DMD: variants seen among roughly 807,000 people sequenced by gnomAD.
The protein encoded by DMD is dystrophin.
A neutral mutation model predicts 330.1 loss-of-function variants in DMD; 63 were observed. The ratio of observed to expected loss-of-function variants is 0.19; its 90% CI spans 0.16 to 0.24. The LOEUF (loss-of-function observed/expected upper bound fraction) is 0.24. Among genes scored for constraint, DMD ranks in the 10% least tolerant of loss-of-function variants. The probability of loss-of-function intolerance (pLI) is 1.00; values close to 1 mark genes in which losing one functional copy is unlikely to be tolerated. For synonymous variants in DMD, 1,223 were observed against 959.8 expected, an observed-to-expected ratio of 1.27 and a Z score of -5.07; for missense variants, 3,344 against 2,684.1, an observed-to-expected ratio of 1.25 and a Z score of -5.43.
At chrX:31,240,993 G>A (rs907022005) in intron 63 of DMD, among the ~76,000 whole-genome samples, 2 of 110,753 alleles carry the variant, frequency 1.8e-5, no homozygotes, top group African/African-American at 6.6e-5. Context: ...TATTCCTAGG[G>A]CTGTTGCAAA....
intron 47 of DMD, among the ~76,000 whole-genome samples, chrX:31,901,465 T>C (rs2149813973): frequency 8.9e-6 from 1 of 111,842 alleles, no homozygotes; most frequent in African/African-American, 3.2e-5. Flanking sequence ...GCTTCTGCTA[T>C]AGTTTATTTG....
At chrX:31,374,328 A>G (rs1377203679) in intron 60 of DMD, among the ~76,000 whole-genome samples, 1 of 103,875 alleles carries the variant, frequency 9.6e-6, no homozygotes, top group African/African-American at 3.6e-5. Flanking sequence ...CTGGGTATAT[A>G]CCCAAAGGAC....
At chrX:32,729,050 C>T (rs983886400) in intron 7 of DMD, among the ~76,000 whole-genome samples, 9 of 112,054 alleles carry the variant, frequency 8.0e-5, no homozygotes, top group South Asian at 3.7e-4. Context: ...GTACAGCAAA[C>T]GGGCAACACG....
At chrX:31,134,586 C>G (rs1300954887) in intron 76 of DMD, among the ~76,000 whole-genome samples, 1 of 110,839 alleles carries the variant, frequency 9.0e-6, no homozygotes, top group Non-Finnish European at 1.9e-5. Context: ...ACACGTCCAG[C>G]TAATTTTTGT....
chrX:31,197,298 A>C (rs1462020553), intron 67 of DMD, among the ~76,000 whole-genome samples: 2 of 111,963 alleles, frequency 1.8e-5, no homozygotes, highest in Non-Finnish European at 3.8e-5. Context: ...ATATTCTGGA[A>C]TGCTTTCTCA....
At chrX:32,728,291 G>T (rs753335694) in intron 7 of DMD, among the ~76,000 whole-genome samples, 4 of 111,866 alleles carry the variant, frequency 3.6e-5, no homozygotes, top group Non-Finnish European at 7.5e-5. Context: ...AGTATTACAC[G>T]CATAAGTAAA....
chrX:32,825,199 C>T lies in DMD; in HGVS notation c.265-1812G>A, dbSNP rs528970994. Among the ~76,000 whole-genome samples the T allele has an allele frequency of 3.0e-4, 34 of 111,691 alleles. 1 individual carries two copies. The highest frequency in any genetic ancestry group is 8.8e-4 in the African/African-American group (27 of 30,812). On this transcript the variant is annotated intron_variant, in intron 4 of 78. Coordinates refer to ENST00000357033, the MANE Select transcript of DMD (RefSeq NM_004006.3). The stretch of plus-strand genomic sequence containing the variant: ...TTAGGAAACATACTCACTCATACTG[C>T]GGGAAGCACTGCTGGTAGATACGTT...
At chrX:32,512,596 G>A (rs976885802) in intron 18 of DMD, among the ~76,000 whole-genome samples, 35 of 112,455 alleles carry the variant, frequency 3.1e-4, no homozygotes, top group African/African-American at 1.1e-3. Flanking sequence ...CAATGGAATT[G>A]AAATGAAAAT....
chrX:31,863,044 A>C (rs2093734839), intron 48 of DMD, among the ~76,000 whole-genome samples: 2 of 112,937 alleles, frequency 1.8e-5, no homozygotes, highest in South Asian at 7.2e-4. Flanking sequence ...CCAGGCGCTC[A>C]TTAAAACAGC....
intron 55 of DMD, among the ~76,000 whole-genome samples, chrX:31,532,182 G>T (rs1475578714): frequency 3.0e-5 from 3 of 100,026 alleles, no homozygotes; most frequent in Non-Finnish European, 5.9e-5. Flanking sequence ...ACACATAATT[G>T]TCAGATTCAC....
chrX:32,621,892 T>C (rs2058024164), intron 11 of DMD, among the ~76,000 whole-genome samples: 1 of 111,404 alleles, frequency 9.0e-6, no homozygotes. Flanking sequence ...TTGCTAGAAG[T>C]GTGTGCAAGA....
At chrX:32,738,232 T>C (rs1449284454) in intron 7 of DMD, among the ~76,000 whole-genome samples, 1 of 111,841 alleles carries the variant, frequency 8.9e-6, no homozygotes, top group Non-Finnish European at 1.9e-5. Context: ...AGTTTGGTTT[T>C]GGATGATGGA....
At chrX:32,163,994 T>A (rs2096859025) in intron 44 of DMD, among the ~76,000 whole-genome samples, 1 of 111,645 alleles carries the variant, frequency 9.0e-6, no homozygotes, top group Admixed American at 9.6e-5. Context: ...TTTCCCCAAA[T>A]ATGTAAATGG....
chrX:31,166,868 T>C (rs1172138050), intron 74 of DMD, among the ~76,000 whole-genome samples: 1 of 111,908 alleles, frequency 8.9e-6, no homozygotes, highest in Non-Finnish European at 1.9e-5. Context: ...TCAAGGTAAC[T>C]TACACAAAGA....
chrX:32,866,726 G>T (rs867867910), intron 2 of DMD, among the ~76,000 whole-genome samples: 2 of 35,502 alleles, frequency 5.6e-5, no homozygotes, highest in African/African-American at 1.1e-4. Context: ...CTTTTTTTTG[G>T]GGGGGGGTGG....
chrX:33,030,679 A>G (rs977210438), intron 1 of DMD, among the ~76,000 whole-genome samples: 1 of 111,867 alleles, frequency 8.9e-6, no homozygotes, highest in Middle Eastern at 4.7e-3. Context: ...TAGAGGTGAA[A>G]TTAACTACTT....
chrX:31,916,240 C>T lies in DMD; in HGVS notation c.6912+13356G>A, dbSNP rs773157407. Among the ~76,000 whole-genome samples the T allele has an allele frequency of 7.1e-5, 8 of 112,075 alleles. No homozygotes were observed. In the East Asian group the frequency reaches 1.7e-3, roughly 24 times the overall value. On this transcript the variant is annotated intron_variant, in intron 47 of 78. Coordinates refer to ENST00000357033, the MANE Select transcript of DMD (RefSeq NM_004006.3). ...TGAGCCAGAACAACACAACAGCTCA[C>T]GGGACCCCACAGACTGTGTGCAATT... is the stretch of plus-strand genomic sequence containing the variant.
intron 43 of DMD, among the ~76,000 whole-genome samples, chrX:32,223,476 G>A (rs1160011456): frequency 1.8e-5 from 2 of 111,473 alleles, no homozygotes; most frequent in Non-Finnish European, 1.9e-5. Context: ...AGTAGTTTTG[G>A]TTTGGGGCTA....
In DMD at chrX:31,156,639, C is replaced by T. The variant is rs965051662; in HGVS notation, c.10554-9121G>A. ...TATGGTCGACATTCTATATGTCAAA[C>T]TTTCTTTGAACCATGCCCAGCCCAT... On this transcript the variant is annotated intron_variant, in intron 74 of 78. Coordinates refer to ENST00000357033, the MANE Select transcript of DMD (RefSeq NM_004006.3). 2.7e-5 allele frequency among the ~76,000 whole-genome samples: 3 copies of T among 112,133 alleles called. 1 individual carries two copies. Among genetic ancestry groups the T allele is most frequent in the African/African-American group, 9.7e-5 (3 of 30,873 alleles).
Sources: gnomAD v4.1 joint callset for allele counts (sites outside exome capture counted in the v4.1 genomes callset) on GRCh38, gnomAD v4.1.1 for gene constraint, MANE v1.5 for transcripts, NCBI Gene and HGNC (gene_info 2026-07-23, HGNC 2026-07-21) for gene names.